Variants in GSK3B observed in about 807,000 individuals in gnomAD.
The protein encoded by GSK3B is glycogen synthase kinase-3 beta.
In GSK3B, 15 loss-of-function variants were observed where a neutral mutation model predicts 56.4. The observed-to-expected ratio is 0.27, with a 90% confidence interval of 0.18 to 0.41. GSK3B has a LOEUF of 0.41. Among genes scored for constraint, GSK3B ranks in the 10% least tolerant of loss-of-function variants. GSK3B has a pLI of 1.00. For missense variants in GSK3B, 300 were observed against 513.4 expected (o/e 0.58, Z 4.02); for synonymous variants, 181 against 188.9 (o/e 0.96, Z 0.34).
At chr3:119,982,920 T>C (rs190572440) in intron 2 of GSK3B, among the ~76,000 whole-genome samples, 5 of 151,756 alleles carry the variant, frequency 3.3e-5, no homozygotes, top group Non-Finnish European at 1.5e-5. Flanking sequence ...TTCACCAAGG[T>C]TGAAATGAAG....
chr3:119,858,337 T>C (rs905441633), intron 9 of GSK3B, among the ~76,000 whole-genome samples: 2 of 152,238 alleles, frequency 1.3e-5, no homozygotes, highest in Non-Finnish European at 2.9e-5. Context: ...AGTGTAGCTA[T>C]GTTCACCAAT....
chr3:119,914,159 A>G (rs560505770), intron 5 of GSK3B, among the ~76,000 whole-genome samples: 2 of 152,094 alleles, frequency 1.3e-5, no homozygotes, highest in Admixed American at 1.3e-4. Flanking sequence ...TTTTGTTCCT[A>G]AATAGCCCAA....
intron 1 of GSK3B, among the ~76,000 whole-genome samples, chr3:120,050,604 G>A (rs551182705): frequency 1.3e-5 from 2 of 152,302 alleles, no homozygotes; most frequent in Admixed American, 6.5e-5. Context: ...AGCCAGGGGC[G>A]TCTATGGATA....
intron 1 of GSK3B, among the ~76,000 whole-genome samples, chr3:120,040,297 T>C (rs1003672944): frequency 2.0e-5 from 3 of 152,178 alleles, no homozygotes; most frequent in Non-Finnish European, 4.4e-5. Context: ...TCATACAGCT[T>C]AGGGCGGCCC....
At chr3:119,839,123 C>T (rs565621217) in intron 10 of GSK3B, among the ~76,000 whole-genome samples, 1 of 152,106 alleles carries the variant, frequency 6.6e-6, no homozygotes, top group African/African-American at 2.4e-5. Flanking sequence ...CCAGAATTAG[C>T]ACAGTATGAT....
intron 7 of GSK3B, 34 bp from the exon 8 acceptor site, chr3:119,876,542 T>A (rs1385698924): frequency 8.6e-7 from 1 of 1,168,796 alleles, no homozygotes; most frequent in East Asian, 2.3e-5. Flanking sequence ...CATCTTTTCC[T>A]ATATATTTAC....
At chr3:119,885,655 C>T (rs1338639412) in intron 7 of GSK3B, among the ~76,000 whole-genome samples, 1 of 152,098 alleles carries the variant, frequency 6.6e-6, no homozygotes, top group African/African-American at 2.4e-5. Flanking sequence ...TCAAACTGTA[C>T]TATAAGGCTA....
At chr3:119,835,547 C>T (rs546963129) in intron 10 of GSK3B, among the ~76,000 whole-genome samples, 9 of 152,184 alleles carry the variant, frequency 5.9e-5, no homozygotes, top group African/African-American at 1.7e-4. Flanking sequence ...TCTCTCTGCC[C>T]ATTCATATAT....
At chr3:120,002,305 A>G in intron 1 of GSK3B, 66 bp from the exon 2 acceptor site, 1 of 809,236 alleles carries the variant, frequency 1.2e-6, no homozygotes, top group Non-Finnish European at 1.9e-6. Context: ...AAAACTGCCA[A>G]AATATACAAG....
intron 3 of GSK3B, among the ~76,000 whole-genome samples, chr3:119,924,974 A>G (rs1041676553): frequency 2.6e-5 from 4 of 152,244 alleles, no homozygotes; most frequent in Admixed American, 6.5e-5. Context: ...AAAGAGCTCA[A>G]CATGGCTGCA....
chr3:119,887,964 T>G (rs924297270), intron 7 of GSK3B, among the ~76,000 whole-genome samples: 3 of 151,732 alleles, frequency 2.0e-5, no homozygotes. Flanking sequence ...GAAGGAAAAA[T>G]AAACCCTGGA....
chr3:119,962,390 A>G (rs1458853363), intron 2 of GSK3B, among the ~76,000 whole-genome samples: 1 of 137,754 alleles, frequency 7.3e-6, no homozygotes, highest in Non-Finnish European at 1.6e-5. Context: ...AAAAAAAAAA[A>G]CAAAAACAAA....
chr3:119,910,800 C>T (rs1329018302), intron 6 of GSK3B, among the ~76,000 whole-genome samples: 1 of 152,216 alleles, frequency 6.6e-6, no homozygotes, highest in African/African-American at 2.4e-5. Flanking sequence ...ATTCTAAATC[C>T]TTTGTTGTCA....
At chr3:120,001,654 A>AT (rs1012934170) in intron 2 of GSK3B, among the ~76,000 whole-genome samples, 1 of 152,180 alleles carries the variant, frequency 6.6e-6, no homozygotes, top group African/African-American at 2.4e-5. Context: ...GATTAAAAAA[A>AT]TTTTTTGAAA....
At chr3:119,844,771 A>G (rs1165069452) in intron 9 of GSK3B, among the ~76,000 whole-genome samples, 1 of 152,248 alleles carries the variant, frequency 6.6e-6, no homozygotes, top group East Asian at 1.9e-4. Context: ...AAACTATTCC[A>G]ATCAACAGAA....
intron 1 of GSK3B, among the ~76,000 whole-genome samples, chr3:120,004,881 A>C (rs908928564): frequency 3.3e-5 from 5 of 152,188 alleles, no homozygotes; most frequent in African/African-American, 1.2e-4. Context: ...CCAAAGAAAC[A>C]CAACTACTCG....
At chr3:119,873,275 C>T (rs890976801) in intron 8 of GSK3B, among the ~76,000 whole-genome samples, 22 of 152,038 alleles carry the variant, frequency 1.4e-4, no homozygotes, top group African/African-American at 5.3e-4. Context: ...ACCTGTATCC[C>T]CTTACCTCAA....
At chr3:119,956,266 G>A (rs1184384127) in intron 2 of GSK3B, among the ~76,000 whole-genome samples, 3 of 152,122 alleles carry the variant, frequency 2.0e-5, no homozygotes, top group Non-Finnish European at 4.4e-5. Flanking sequence ...AACGACTCAG[G>A]GACACTGAAG....
chr3:119,831,070 C>T (rs1319601563), intron 10 of GSK3B, among the ~76,000 whole-genome samples: 3 of 152,172 alleles, frequency 2.0e-5, no homozygotes, highest in Non-Finnish European at 2.9e-5. Context: ...TTAGCTCACA[C>T]AGCAAATCTG....
Sources: gnomAD v4.1 joint callset for allele counts (sites outside exome capture counted in the v4.1 genomes callset) on GRCh38, gnomAD v4.1.1 for gene constraint, MANE v1.5 for transcripts, NCBI Gene and HGNC (gene_info 2026-07-23, HGNC 2026-07-21) for gene names.